EXOC6B: variants seen among roughly 807,000 people sequenced by gnomAD.
EXOC6B encodes the protein exocyst complex component 6B, also known as SEC15 homolog B.
Under a neutral mutation model 113.5 loss-of-function variants are expected in EXOC6B, and 54 were observed. The ratio of observed to expected loss-of-function variants is 0.48; its 90% CI spans 0.38 to 0.60. The LOEUF (loss-of-function observed/expected upper bound fraction) is 0.60. Ranked by LOEUF, EXOC6B falls within the 20% of genes least tolerant of loss-of-function variation. The pLI is 0.00. For synonymous variants in EXOC6B, 357 were observed against 339.0 expected (o/e 1.05, Z -0.58); for missense variants, 797 against 977.5 (o/e 0.82, Z 2.46).
intron 6 of EXOC6B, among the ~76,000 whole-genome samples, chr2:72,638,703 G>C (rs1460300574): frequency 6.6e-6 from 1 of 152,224 alleles, no homozygotes; most frequent in African/African-American, 2.4e-5. Context: ...GGCAGCGAGA[G>C]CTGCTTAGAG....
intron 6 of EXOC6B, among the ~76,000 whole-genome samples, chr2:72,686,028 T>A (rs966601630): frequency 2.0e-5 from 3 of 152,232 alleles, no homozygotes; most frequent in African/African-American, 4.8e-5. Flanking sequence ...AACCATTGAC[T>A]GACTTCTCAC....
intron 1 of EXOC6B, among the ~76,000 whole-genome samples, chr2:72,809,727 C>G (rs938497237): frequency 6.6e-6 from 1 of 151,824 alleles, no homozygotes; most frequent in South Asian, 2.1e-4. Context: ...AACAACAGAG[C>G]TAATAAATAT....
At position 72,646,291 on chromosome 2, in the gene EXOC6B, G is replaced by A. The variant is rs1253866829; in HGVS notation, c.670-70623C>T. 7.3e-5 allele frequency among the ~76,000 whole-genome samples: 10 copies of A among 137,042 alleles called. No individual in the cohort carries two copies. The South Asian group carries it at 2.6e-3, about 36-fold the overall frequency. 89.9% of individuals were successfully genotyped at this position (137,042 alleles called of 152,430 possible). A position where few individuals can be genotyped will look rare whatever the true frequency, so the allele number is the denominator to read the frequency against. On this transcript the variant is annotated intron_variant, in intron 6 of 21. Transcript: ENST00000272427. ...ACCAATAACAGGCTCTGAAATTGAG[G>A]CAATAATTAATAGCCTACCAACCAA...
chr2:72,640,008 C>T (rs1041063215), intron 6 of EXOC6B, among the ~76,000 whole-genome samples: 4 of 152,066 alleles, frequency 2.6e-5, no homozygotes, highest in Non-Finnish European at 5.9e-5. Flanking sequence ...GGGTTCTGAT[C>T]GGGGCTGAGA....
intron 1 of EXOC6B, among the ~76,000 whole-genome samples, chr2:72,780,159 G>A (rs1188974943): frequency 6.6e-6 from 1 of 152,104 alleles, no homozygotes; most frequent in Non-Finnish European, 1.5e-5. Flanking sequence ...ACAATTCTAT[G>A]CTGCTTATAT....
chr2:72,285,232 T>C (rs916460177), intron 20 of EXOC6B, among the ~76,000 whole-genome samples: 2 of 152,026 alleles, frequency 1.3e-5, no homozygotes, highest in East Asian at 1.9e-4. Context: ...TATAAAGCTA[T>C]AGTAATCAAG....
chr2:72,292,172 AGTGTGTGTGTGTGTGTGTGTGTGT>A (rs58303616), intron 20 of EXOC6B, among the ~76,000 whole-genome samples: 160 of 139,402 alleles, frequency 1.1e-3, no homozygotes, highest in African/African-American at 3.8e-3. Flanking sequence ...TCCAGAAGTA[AGTGTGTGTGTGTGTGTGTGTGTGT>A]GTGTGTGTGT....
chr2:72,356,847 G>T (rs1167871360), intron 19 of EXOC6B, among the ~76,000 whole-genome samples: 2 of 152,102 alleles, frequency 1.3e-5, no homozygotes, highest in African/African-American at 4.8e-5. Context: ...CCCTTGCATT[G>T]TGGGGCCATT....
At chr2:72,310,888 CAG>C (rs1194369124) in intron 20 of EXOC6B, among the ~76,000 whole-genome samples, 3 of 147,936 alleles carry the variant, frequency 2.0e-5, no homozygotes, top group Non-Finnish European at 3.0e-5. Context: ...CACACACACA[CAG>C]AGCTAGTATT....
intron 1 of EXOC6B, among the ~76,000 whole-genome samples, chr2:72,761,541 T>C (rs1682743082): frequency 6.6e-6 from 1 of 152,124 alleles, no homozygotes; most frequent in East Asian, 1.9e-4. Context: ...ATGTTCAAAA[T>C]AGATCAAACT....
At chr2:72,522,996 GC>G (rs1397754493) in intron 8 of EXOC6B, among the ~76,000 whole-genome samples, 5 of 152,036 alleles carry the variant, frequency 3.3e-5, no homozygotes, top group African/African-American at 1.2e-4. Context: ...CTGAATGAAT[GC>G]TTAAAAATAA....
At chr2:72,672,664 T>C (rs1362235025) in intron 6 of EXOC6B, among the ~76,000 whole-genome samples, 1 of 151,994 alleles carries the variant, frequency 6.6e-6, no homozygotes, top group Non-Finnish European at 1.5e-5. Context: ...GCTACATGGA[T>C]AGAACCAAAG....
chr2:72,206,896 TG>T (rs1439184925), intron 20 of EXOC6B, among the ~76,000 whole-genome samples: 22 of 152,184 alleles, frequency 1.4e-4, no homozygotes, highest in African/African-American at 4.6e-4. Context: ...ATATGCTTTT[TG>T]CAAAAAAAAT....
chr2:72,776,278 T>G (rs1683695752), intron 1 of EXOC6B, among the ~76,000 whole-genome samples: 1 of 152,132 alleles, frequency 6.6e-6, no homozygotes, highest in South Asian at 2.1e-4. Flanking sequence ...GATATCAAAT[T>G]CAGAAGCCAC....
intron 19 of EXOC6B, among the ~76,000 whole-genome samples, chr2:72,345,335 C>T (rs1439297900): frequency 1.3e-5 from 2 of 152,078 alleles, no homozygotes; most frequent in African/African-American, 4.8e-5. Flanking sequence ...CTTGGTATTA[C>T]TCAAATGAGT....
At chr2:72,198,969 CT>C (rs1272202531) in intron 20 of EXOC6B, among the ~76,000 whole-genome samples, 1 of 152,114 alleles carries the variant, frequency 6.6e-6, no homozygotes, top group East Asian at 1.9e-4. Flanking sequence ...CTTTCCTAGC[CT>C]TTATTCATGT....
rs533484882 is a variant in EXOC6B at position 72,612,117 on chromosome 2, A to ATT, written c.670-36451_670-36450dup. On this transcript the variant is annotated intron_variant, in intron 6 of 21. Coordinates refer to ENST00000272427, the MANE Select transcript of EXOC6B (RefSeq NM_015189.3). ...ATGGCAAAAACTGTCTCTACTAAAAATTTAAAAATTAGCCAGGCGTGGAGG... is the reference window on the plus strand; with the variant it reads ...ATGGCAAAAACTGTCTCTACTAAAAATTTTTAAAAATTAGCCAGGCGTGGAGG... Among the ~76,000 whole-genome samples the ATT allele has an allele frequency of 1.1e-4, 17 of 152,116 alleles. No individual in the cohort carries two copies. The South Asian group carries it at 3.1e-3, about 28-fold the overall frequency.
Position 72,495,395 on chromosome 2 carries a change from A to G in EXOC6B, c.1553+35T>C, listed in dbSNP as rs753448222. Reference sequence around the variant, plus strand: ...TGTAAATACATGGAGTCACAATCTTAGCATTGGTTACATTTCTACTATTTT... The same window carrying G: ...TGTAAATACATGGAGTCACAATCTTGGCATTGGTTACATTTCTACTATTTT... On this transcript the variant is annotated intron_variant, in intron 15 of 21. Transcript: ENST00000272427. 4 of 1,136,466 alleles carry G rather than the reference A, an allele frequency of 3.5e-6. No individual in the cohort carries two copies. The Admixed American group carries it at 7.3e-5, about 21-fold the overall frequency. 70.4% of individuals were successfully genotyped at this position (1,136,466 alleles called of 1,614,324 possible).
chr2:72,366,229 A>C (rs938662262), intron 19 of EXOC6B, among the ~76,000 whole-genome samples: 1 of 152,134 alleles, frequency 6.6e-6, no homozygotes, highest in Non-Finnish European at 1.5e-5. Context: ...GAATATTATG[A>C]AGAAAGCAAT....
Sources: allele counts gnomAD v4.1 joint callset (sites outside exome capture counted in the v4.1 genomes callset), GRCh38; gene constraint gnomAD v4.1.1; transcripts MANE v1.5; gene names NCBI Gene and HGNC (gene_info 2026-07-23, HGNC 2026-07-21).